Variants in PCDH19 observed in about 807,000 individuals in gnomAD.
The protein encoded by PCDH19 is protocadherin-19.
Under a neutral mutation model 46.2 loss-of-function variants are expected in PCDH19, and 6 were observed. That is an observed-to-expected ratio of 0.13 (90% CI 0.07 to 0.26). The LOEUF (loss-of-function observed/expected upper bound fraction) is 0.26, where lower values mean the gene tolerates loss of function less well. Among genes scored for constraint, PCDH19 ranks in the 10% least tolerant of loss-of-function variants. The probability of loss-of-function intolerance (pLI) is 1.00; values close to 1 mark genes in which losing one functional copy is unlikely to be tolerated. For missense variants in PCDH19, 740 were observed against 972.3 expected (o/e 0.76, Z 3.18); for synonymous variants, 481 against 415.7 (o/e 1.16, Z -1.91).
chrX:100,361,724 A>G (rs1926887926), intron 3 of PCDH19, among the ~76,000 whole-genome samples: 1 of 111,852 alleles, frequency 8.9e-6, no homozygotes, highest in South Asian at 3.8e-4. Flanking sequence ...CCTCTACTAC[A>G]TAGAAGCATC....
intron 3 of PCDH19, among the ~76,000 whole-genome samples, chrX:100,370,992 CATGTGT>C (rs748027874): frequency 7.0e-5 from 3 of 43,133 alleles, no homozygotes; most frequent in East Asian, 2.1e-3. Context: ...AGTGTGTGTG[CATGTGT>C]GTGTGTGTGT....
At chrX:100,348,065 CAAAAAA>C (rs1177957771) in intron 4 of PCDH19, among the ~76,000 whole-genome samples, 1 of 40,611 alleles carries the variant, frequency 2.5e-5, no homozygotes, top group African/African-American at 1.1e-4. Context: ...GATTCCGTCT[CAAAAAA>C]AAAAAAAAAA....
intron 5 of PCDH19, among the ~76,000 whole-genome samples, chrX:100,325,445 C>T (rs1220728176): frequency 9.6e-6 from 1 of 104,683 alleles, no homozygotes; most frequent in Admixed American, 1.1e-4. Flanking sequence ...TCTCGGCTCA[C>T]TGCAACCTCC....
At chrX:100,352,173 T>C (rs1190035696) in intron 3 of PCDH19, among the ~76,000 whole-genome samples, 1 of 111,916 alleles carries the variant, frequency 8.9e-6, no homozygotes, top group Non-Finnish European at 1.9e-5. Context: ...GAAGCATGGG[T>C]TGGGGGATTA....
At chrX:100,338,531 A>G (rs1051933318) in intron 5 of PCDH19, among the ~76,000 whole-genome samples, 1 of 106,791 alleles carries the variant, frequency 9.4e-6, no homozygotes, top group African/African-American at 3.4e-5. Flanking sequence ...CAAAAAAAAA[A>G]AAAAAAAAAG....
chrX:100,318,294 G>A (rs7063073), intron 5 of PCDH19, among the ~76,000 whole-genome samples: 32,526 of 111,230 alleles, frequency 0.29, 3,663 homozygotes, highest in Non-Finnish European at 0.35. Context: ...ACCTTCATAA[G>A]GAATTGTTGG....
At chrX:100,315,520 T>C (rs945023614) in intron 5 of PCDH19, among the ~76,000 whole-genome samples, 1 of 112,322 alleles carries the variant, frequency 8.9e-6, no homozygotes, top group African/African-American at 3.2e-5. Context: ...TCTTGGTGAA[T>C]TGGGATCTCT....
chrX:100,324,606 T>C (rs1925620789), intron 5 of PCDH19, among the ~76,000 whole-genome samples: 2 of 112,118 alleles, frequency 1.8e-5, no homozygotes, highest in South Asian at 3.7e-4. Context: ...CAAATTAACA[T>C]GATATAAACT....
intron 3 of PCDH19, among the ~76,000 whole-genome samples, chrX:100,385,125 C>G (rs1028753962): frequency 2.0e-5 from 2 of 102,110 alleles, no homozygotes; most frequent in Admixed American, 2.1e-4. Flanking sequence ...CACCACTGCA[C>G]TCAGACCTGG....
rs180893153 is a variant in PCDH19, at chrX:100,335,597, A to C, written c.2848+6306T>G. ...TATTCACAAGGTTTTTAATGGCCCC[A>C]AAATCTATTCTTATAATTTTTTAAA... is the stretch of plus-strand genomic sequence containing the variant. On this transcript the variant is annotated intron_variant, in intron 5 of 5. Coordinates refer to ENST00000373034, the MANE Select transcript of PCDH19 (RefSeq NM_001184880.2). 6.6e-3 allele frequency among the ~76,000 whole-genome samples: 738 copies of C among 112,095 alleles called. 22 individuals are homozygous for C. Among genetic ancestry groups the C allele is most frequent in the Admixed American group, 0.065 (688 of 10,550 alleles).
In PCDH19 at chrX:100,408,300, T is replaced by C; in HGVS notation, c.298A>G (p.Ile100Val). The stretch of plus-strand genomic sequence containing the variant: ...CTGGACATGACCTCGAGCGAGATGA[T>C]GCACTTGGGGCTCTGGCGGCACAGC... ...DLLCRQSPKC[I>V]ISLEVMSSSM... The change falls in exon 1 of 6, where the codon ATC becomes GTC. Residue 100 changes from isoleucine (I) to valine (V), a missense_variant. Ile to Val is a conservative substitution (Grantham distance 29). Around this residue, in one of 5 missense-constraint regions of PCDH19, gnomAD observed 81 missense variants for 96.5 expected, o/e 0.84. Coordinates refer to ENST00000373034, the MANE Select transcript of PCDH19 (RefSeq NM_001184880.2). 8.3e-7 allele frequency: 1 copy of C among 1,211,666 alleles called. No individual in the cohort carries two copies.
chrX:100,361,631 T>C (rs1484684641), intron 3 of PCDH19, among the ~76,000 whole-genome samples: 1 of 112,077 alleles, frequency 8.9e-6, no homozygotes, highest in African/African-American at 3.2e-5. Context: ...ACATTAACTA[T>C]TTAATCCCCC....
chrX:100,303,753 T>A (rs1924858050), intron 5 of PCDH19, among the ~76,000 whole-genome samples: 1 of 111,541 alleles, frequency 9.0e-6, no homozygotes, highest in African/African-American at 3.3e-5. Flanking sequence ...TTCAGCAATT[T>A]TCTCCACTTT....
At position 100,292,514 on chromosome X, in the gene PCDH19, G is replaced by A. The variant is rs946878939; in HGVS notation, c.*3763C>T. 3 of 112,073 alleles carry A rather than the reference G, an allele frequency of 2.7e-5. No individual in the cohort carries two copies. The highest frequency in any genetic ancestry group is 9.5e-5 in the Admixed American group (1 of 10,535). 9.2% of individuals were successfully genotyped at this position (112,073 alleles called of 1,213,427 possible). A position where few individuals can be genotyped will look rare whatever the true frequency, so the allele number is the denominator to read the frequency against. ...AAGTGACCCACAAGCCAATTCCAGC[G>A]GCACAAGAAAACGAAGAGAGCTGCA... is the stretch of plus-strand genomic sequence containing the variant. On this transcript the variant is annotated 3_prime_UTR_variant, in exon 6 of 6. Transcript: ENST00000373034.
At chrX:100,382,080 TAAA>T (rs1156468997) in intron 3 of PCDH19, among the ~76,000 whole-genome samples, 1 of 102,741 alleles carries the variant, frequency 9.7e-6, no homozygotes, top group African/African-American at 3.5e-5. Context: ...TCCAGTAATT[TAAA>T]AAAAAAAAAA....
At position 100,406,603 on chromosome X, in the gene PCDH19, A is replaced by G. The variant is rs1242082163; in HGVS notation, c.1995T>C (p.Ala665=). The G allele has an allele frequency of 2.5e-6, 3 of 1,211,370 alleles. No homozygotes were observed. Among genetic ancestry groups the G allele is most frequent in the Non-Finnish European group, 3.4e-6 (3 of 895,316 alleles). ...AGCCCATTGACTCTTGGGCATCGAG[A>G]GCAGGGGACAAGTAGATTAGGACGA... is the stretch of plus-strand genomic sequence containing the variant. ...SALVLIYLSP[A]LDAQESMGSV... Residue 665 remains alanine (A), a synonymous_variant, in exon 1 of 6, where the codon GCT becomes GCC. Coordinates refer to ENST00000373034, the MANE Select transcript of PCDH19 (RefSeq NM_001184880.2).
At chrX:100,368,602 C>T (rs1221226056) in intron 3 of PCDH19, among the ~76,000 whole-genome samples, 3 of 111,633 alleles carry the variant, frequency 2.7e-5, no homozygotes, top group Non-Finnish European at 5.6e-5. Flanking sequence ...AGCTGCTGGA[C>T]CCTGAGTCCC....
At position 100,409,706 on chromosome X, in the gene PCDH19, A is replaced by C; in HGVS notation, c.-1109T>G. ...CCGTTTGGGCTGGGGTGTCGCTCCAAGGTCCGCCGCCGCCGCCGCCGCCGC... is the reference window on the plus strand; with the variant it reads ...CCGTTTGGGCTGGGGTGTCGCTCCACGGTCCGCCGCCGCCGCCGCCGCCGC... On this transcript the variant is annotated 5_prime_UTR_variant, in exon 1 of 6. Transcript: ENST00000373034. The C allele has an allele frequency of 4.2e-6, 1 of 238,107 alleles. No homozygotes were observed. Among genetic ancestry groups the C allele is most frequent in the South Asian group, 4.3e-5 (1 of 23,416 alleles). The allele number at this position is 238,107 out of a possible 1,213,427, so 19.6% of individuals were successfully genotyped here.
chrX:100,402,380 C>T (rs1199428303), intron 3 of PCDH19, 144 bp downstream of exon 3: 1 of 541,260 alleles, frequency 1.8e-6, no homozygotes, highest in African/African-American at 2.3e-5. Context: ...TGATAGCAAA[C>T]CCTTAGTATG....
Sources: allele counts gnomAD v4.1 joint callset (sites outside exome capture counted in the v4.1 genomes callset), GRCh38; gene constraint gnomAD v4.1.1; regional missense constraint gnomAD v4.1.1; transcripts MANE v1.5; gene names NCBI Gene and HGNC (gene_info 2026-07-23, HGNC 2026-07-21).